Variants in ALK observed in about 807,000 individuals in gnomAD.
ALK encodes the protein ALK tyrosine kinase receptor.
In ALK, 74 loss-of-function variants were observed where a neutral mutation model predicts 163.1. The ratio of observed to expected loss-of-function variants is 0.45; its 90% CI spans 0.38 to 0.55. ALK has a LOEUF of 0.55. Among genes scored for constraint, ALK ranks in the 20% least tolerant of loss-of-function variants. The pLI is 0.00. For missense variants in ALK, 2,063 were observed against 2,105.3 expected (o/e 0.98, Z 0.39); for synonymous variants, 960 against 843.2 (o/e 1.14, Z -2.40).
chr2:29,450,071 C>G (rs1314393666), intron 4 of ALK, among the ~76,000 whole-genome samples: 2 of 152,128 alleles, frequency 1.3e-5, no homozygotes, highest in Non-Finnish European at 2.9e-5. Flanking sequence ...AAAATGCTGT[C>G]CCCTTCCTGC....
intron 1 of ALK, among the ~76,000 whole-genome samples, chr2:29,733,540 G>A (rs1354917639): frequency 2.0e-5 from 3 of 152,212 alleles, no homozygotes; most frequent in East Asian, 1.9e-4. Context: ...TCTGTGACAT[G>A]GGAATAATAG....
At chr2:29,779,199 G>A (rs1042615024) in intron 1 of ALK, among the ~76,000 whole-genome samples, 5 of 152,058 alleles carry the variant, frequency 3.3e-5, no homozygotes, top group Admixed American at 6.6e-5. Flanking sequence ...AAAACCTTGA[G>A]GTGGTTTTAC....
At chr2:29,900,180 G>A (rs1000650903) in intron 1 of ALK, among the ~76,000 whole-genome samples, 27 of 152,378 alleles carry the variant, frequency 1.8e-4, no homozygotes, top group African/African-American at 6.5e-4. Context: ...TATCCTGAGA[G>A]TAGGCCAGTT....
intron 1 of ALK, among the ~76,000 whole-genome samples, chr2:29,768,392 C>T (rs1490485552): frequency 6.6e-6 from 1 of 152,152 alleles, no homozygotes; most frequent in African/African-American, 2.4e-5. Context: ...ACTCAGTATA[C>T]TTTCTTGGTA....
chr2:29,198,099 C>T (rs1669069504), intron 26 of ALK, among the ~76,000 whole-genome samples: 2 of 152,078 alleles, frequency 1.3e-5, no homozygotes, highest in African/African-American at 4.8e-5. Context: ...TTTCAGTTTT[C>T]AAAATATTTA....
chr2:29,275,708 G>A (rs533950883), intron 9 of ALK, among the ~76,000 whole-genome samples: 80 of 152,288 alleles, frequency 5.3e-4, no homozygotes, highest in African/African-American at 1.9e-3. Flanking sequence ...GCTCCGTACT[G>A]TTAATGGCTG....
intron 4 of ALK, among the ~76,000 whole-genome samples, chr2:29,467,331 T>C (rs1207174930): frequency 6.6e-6 from 1 of 152,070 alleles, no homozygotes; most frequent in African/African-American, 2.4e-5. Flanking sequence ...AAAAGATACA[T>C]ATTGAATATT....
At chr2:29,470,257 A>C (rs1344116194) in intron 4 of ALK, among the ~76,000 whole-genome samples, 2 of 152,202 alleles carry the variant, frequency 1.3e-5, no homozygotes, top group African/African-American at 4.8e-5. Context: ...AGTCACAATG[A>C]AAAGGTCTAA....
chr2:29,320,133 G>C (rs1197574488), intron 7 of ALK, among the ~76,000 whole-genome samples: 1 of 152,272 alleles, frequency 6.6e-6, no homozygotes, highest in South Asian at 2.1e-4. Context: ...TCTGGAGTCA[G>C]CTTACCCAGG....
At chr2:29,850,402 A>G (rs1333177526) in intron 1 of ALK, among the ~76,000 whole-genome samples, 2 of 152,190 alleles carry the variant, frequency 1.3e-5, no homozygotes, top group African/African-American at 4.8e-5. Flanking sequence ...CATTTGAAAA[A>G]AATTCTTTGT....
chr2:29,711,144 T>A (rs1573574998), intron 2 of ALK, among the ~76,000 whole-genome samples: 1 of 152,286 alleles, frequency 6.6e-6, no homozygotes, highest in East Asian at 1.9e-4. Flanking sequence ...TTCTTTTCCA[T>A]CCTATGCCTC....
chr2:29,528,337 G>T (rs189661286), intron 4 of ALK, among the ~76,000 whole-genome samples: 2 of 152,140 alleles, frequency 1.3e-5, no homozygotes, highest in Non-Finnish European at 2.9e-5. Flanking sequence ...TCTTGCATCC[G>T]GGAGAGGACC....
At chr2:29,571,961 T>G (rs897243394) in intron 3 of ALK, among the ~76,000 whole-genome samples, 11 of 152,104 alleles carry the variant, frequency 7.2e-5, no homozygotes, top group African/African-American at 2.7e-4. Flanking sequence ...ACCATGAGAA[T>G]ATCTGCAAAC....
intron 11 of ALK, among the ~76,000 whole-genome samples, chr2:29,263,172 T>G (rs189049449): frequency 1.3e-5 from 2 of 152,236 alleles, no homozygotes; most frequent in Admixed American, 6.5e-5. Flanking sequence ...CAAAGGGTCA[T>G]GGACTTCTGC....
chr2:29,915,321 A>G (rs1238876206), intron 1 of ALK, among the ~76,000 whole-genome samples: 1 of 152,092 alleles, frequency 6.6e-6, no homozygotes, highest in African/African-American at 2.4e-5. Context: ...GAAACCTCCA[A>G]CTCCCAGGTT....
chr2:29,483,490 G>C (rs1671713397), intron 4 of ALK, among the ~76,000 whole-genome samples: 1 of 152,204 alleles, frequency 6.6e-6, no homozygotes, highest in Non-Finnish European at 1.5e-5. Flanking sequence ...CTTCAGCTTA[G>C]AGAATCCACA....
intron 1 of ALK, among the ~76,000 whole-genome samples, chr2:29,811,042 T>G (rs930898609): frequency 6.6e-6 from 1 of 152,032 alleles, no homozygotes; most frequent in Non-Finnish European, 1.5e-5. Context: ...ATCATAAATT[T>G]TGGTTAAGTC....
At chr2:29,680,758 A>G (rs1678040417) in intron 3 of ALK, among the ~76,000 whole-genome samples, 1 of 152,036 alleles carries the variant, frequency 6.6e-6, no homozygotes, top group Non-Finnish European at 1.5e-5. Flanking sequence ...ATTTCTTTGT[A>G]TATATTCTCA....
chr2:29,222,285 C>T (rs749463367), intron 22 of ALK, 59 bp downstream of exon 22: 143 of 1,521,392 alleles, frequency 9.4e-5, no homozygotes, highest in Non-Finnish European at 1.2e-4. Context: ...TTAGAAACCT[C>T]TCCAGGTTCT....
Sources: gnomAD v4.1 joint callset for allele counts (sites outside exome capture counted in the v4.1 genomes callset) on GRCh38, gnomAD v4.1.1 for gene constraint, MANE v1.5 for transcripts, NCBI Gene and HGNC (gene_info 2026-07-23, HGNC 2026-07-21) for gene names.